The following ZNF681 variants were observed in gnomAD, a reference collection of about 807,000 sequenced individuals.
ZNF681 encodes the protein zinc finger protein 681, also known as hypothetical protein FLJ31526.
In ZNF681, 37 loss-of-function variants were observed where a neutral mutation model predicts 56.0. The observed-to-expected ratio is 0.66, with a 90% CI of 0.51 to 0.87. The LOEUF is 0.87. Among genes scored for constraint, ZNF681 ranks in the 40% least tolerant of loss-of-function variants. The probability of loss-of-function intolerance (pLI) is 0.00; values close to 1 mark genes in which losing one functional copy is unlikely to be tolerated. For missense variants in ZNF681, 741 were observed against 744.9 expected, an observed-to-expected ratio of 0.99 and a Z score of 0.06; for synonymous variants, 225 against 248.6, an observed-to-expected ratio of 0.91 and a Z score of 0.89.
In ZNF681 at chr19:23,743,874, T is replaced by A. The variant is rs572799922; in HGVS notation, c.1676A>T (p.Glu559Val). Residue 559 changes from glutamate to valine, a missense_variant, in exon 4 of 4, where the codon GAG (glutamate) becomes GTG (valine). Coordinates refer to ENST00000402377, the MANE Select transcript of ZNF681 (RefSeq NM_138286.3). ...ACATTCTTCACATTGGTAGGGTTTC[T>A]CTCCAGTATGAATTACCTTATGTGT... ...LATHKVIHTGEKPYQCEECGK... is the reference protein window; with the variant it reads ...LATHKVIHTGVKPYQCEECGK... 1 of 1,601,096 alleles carries A rather than the reference T, an allele frequency of 6.2e-7. No individual in the cohort carries two copies. The highest frequency in any genetic ancestry group is 1.3e-5 in the African/African-American group (1 of 74,672).
intron 3 of ZNF681, among the ~76,000 whole-genome samples, chr19:23,749,316 G>C (rs1968990373): frequency 7.3e-6 from 1 of 137,078 alleles, no homozygotes; most frequent in South Asian, 2.2e-4. Context: ...AAGGATATTT[G>C]TCAAGGGCTG....
intron 3 of ZNF681, among the ~76,000 whole-genome samples, chr19:23,747,231 A>C (rs7508382): frequency 0.98 from 148,999 of 152,274 alleles, 72,995 homozygotes; most frequent in Middle Eastern, 1. Flanking sequence ...CCAAATATAC[A>C]TGAAAATAAC....
Position 23,743,382 on chromosome 19 carries a change from A to G in ZNF681, c.*230T>C. On this transcript the variant is annotated 3_prime_UTR_variant, in exon 4 of 4. Transcript: ENST00000402377. ...TGCATGTATAATGCTTTTATTAAGT[A>G]TGAAATCTCTGATGTTGAGTAAGAT... 1 of 348,790 alleles carries G rather than the reference A, an allele frequency of 2.9e-6. No individual in the cohort carries two copies. The highest frequency in any genetic ancestry group is 5.1e-6 in the Non-Finnish European group (1 of 196,358). 21.6% of individuals were successfully genotyped at this position (348,790 alleles called of 1,614,324 possible).
chr19:23,758,836 G>T lies in ZNF681; in HGVS notation c.-87C>A. 6.3e-7 allele frequency: 1 copy of T among 1,583,710 alleles called. No homozygotes were observed. Among genetic ancestry groups the T allele is most frequent in the Admixed American group, 1.7e-5 (1 of 58,934 alleles). ...GGCCATAGAGGCTGGGCCTCTAGAAGAAGAGGACACAGAGCAGTGAAGACG... is the reference window on the plus strand; with the variant it reads ...GGCCATAGAGGCTGGGCCTCTAGAATAAGAGGACACAGAGCAGTGAAGACG... On this transcript the variant is annotated 5_prime_UTR_variant, in exon 1 of 4. Coordinates refer to ENST00000402377, the MANE Select transcript of ZNF681 (RefSeq NM_138286.3).
At chr19:23,755,995 A>G (rs1454445490) in intron 1 of ZNF681, among the ~76,000 whole-genome samples, 4 of 152,234 alleles carry the variant, frequency 2.6e-5, no homozygotes, top group Non-Finnish European at 2.9e-5. Context: ...ACCATTTCTG[A>G]GTATATACTC....
At chr19:23,750,012 C>T (rs1313199877) in intron 3 of ZNF681, among the ~76,000 whole-genome samples, 1 of 150,644 alleles carries the variant, frequency 6.6e-6, no homozygotes, top group Admixed American at 6.6e-5. Flanking sequence ...GGGCCGGGCA[C>T]CGTGGCTCAC....
chr19:23,745,355 C>A (rs186986841), intron 3 of ZNF681, 32 bp from the exon 4 acceptor site: 267 of 1,455,186 alleles, frequency 1.8e-4, no homozygotes, highest in Admixed American at 2.8e-4. Flanking sequence ...AATGACTCCA[C>A]TTGATAAGAC....
chr19:23,740,538 C>T lies in ZNF681; in HGVS notation c.*3074G>A, dbSNP rs1204206539. The stretch of plus-strand genomic sequence containing the variant: ...CTGTCTTGAAGTTACAAACTAACTC[C>T]AACAGGAATATTTATGGCTTATTAT... On this transcript the variant is annotated 3_prime_UTR_variant, in exon 4 of 4. Transcript: ENST00000402377. 1 of 152,072 alleles carries T rather than the reference C, an allele frequency of 6.6e-6. No individual in the cohort carries two copies. The highest frequency in any genetic ancestry group is 1.5e-5 in the Non-Finnish European group (1 of 68,034). The allele number at this position is 152,072 out of a possible 1,614,324, so 9.4% of individuals were successfully genotyped here.
intron 3 of ZNF681, among the ~76,000 whole-genome samples, chr19:23,753,440 G>A (rs1465845890): frequency 6.6e-6 from 1 of 152,302 alleles, no homozygotes; most frequent in African/African-American, 2.4e-5. Context: ...ATAAATTTCT[G>A]AGAAGAAATT....
intron 3 of ZNF681, among the ~76,000 whole-genome samples, chr19:23,752,415 C>T (rs1420243826): frequency 6.6e-6 from 1 of 152,178 alleles, no homozygotes; most frequent in Non-Finnish European, 1.5e-5. Flanking sequence ...AGTTCACAGC[C>T]AGTTCTGCCT....
At chr19:23,751,724 C>T (rs1969034775) in intron 3 of ZNF681, among the ~76,000 whole-genome samples, 1 of 151,702 alleles carries the variant, frequency 6.6e-6, no homozygotes, top group Admixed American at 6.6e-5. Context: ...CTTGCTCTGT[C>T]ACCCAGGCTG....
intron 3 of ZNF681, among the ~76,000 whole-genome samples, chr19:23,751,473 T>TG (rs1362444703): frequency 8.0e-5 from 1 of 12,476 alleles, no homozygotes; most frequent in African/African-American, 2.2e-4. Flanking sequence ...AGACTCCGTC[T>TG]CAAAAAAAAA....
Position 23,744,854 on chromosome 19 carries a change from G to A in ZNF681, c.696C>T (p.Gly232=), listed in dbSNP as rs1338429802. The A allele has an allele frequency of 6.2e-7, 1 of 1,613,350 alleles. No individual in the cohort carries two copies. Among genetic ancestry groups the A allele is most frequent in the East Asian group, 2.2e-5 (1 of 44,852 alleles). The change falls in exon 4 of 4, where the codon GGC becomes GGT. Residue 232 remains glycine (G), a synonymous_variant. Transcript: ENST00000402377. ...GEKSYICEEC[G]KACNQFTNLT... Reference sequence around the variant, plus strand: ...GGTTTGTGAACTGGTTACAGGCTTTGCCACATTCTTCACATATGTACGATT... The same window carrying A: ...GGTTTGTGAACTGGTTACAGGCTTTACCACATTCTTCACATATGTACGATT...
At chr19:23,747,553 TG>T (rs577233218) in intron 3 of ZNF681, among the ~76,000 whole-genome samples, 3 of 141,814 alleles carry the variant, frequency 2.1e-5, no homozygotes, top group Non-Finnish European at 3.0e-5. Context: ...GGCAGGAGAA[TG>T]GCATGAACCT....
At position 23,743,909 on chromosome 19, in the gene ZNF681, T is replaced by A; in HGVS notation, c.1641A>T (p.Ser547=). The A allele has an allele frequency of 6.2e-7, 1 of 1,603,340 alleles. No homozygotes were observed. The highest frequency in any genetic ancestry group is 8.5e-7 in the Non-Finnish European group (1 of 1,172,440). The change falls in exon 4 of 4, where the codon TCA becomes TCT. Residue 547 remains serine (S), a synonymous_variant. Coordinates refer to ENST00000402377, the MANE Select transcript of ZNF681 (RefSeq NM_138286.3). Reference sequence around the variant, plus strand: ...GAATTACCTTATGTGTAGCAAGATGTGAGGAATGGTTAAAGGCTTTGCCAC... The same window carrying A: ...GAATTACCTTATGTGTAGCAAGATGAGAGGAATGGTTAAAGGCTTTGCCAC... ...EECGKAFNHS[S]HLATHKVIHT... is the part of the protein sequence containing the mutation.
chr19:23,742,676 T>A lies in ZNF681; in HGVS notation c.*936A>T, dbSNP rs571307024. 5.9e-5 allele frequency: 9 copies of A among 152,248 alleles called. No homozygotes were observed. The highest frequency in any genetic ancestry group is 7.4e-5 in the Non-Finnish European group (5 of 68,024). 9.4% of individuals were successfully genotyped at this position (152,248 alleles called of 1,614,324 possible). On this transcript the variant is annotated 3_prime_UTR_variant, in exon 4 of 4. Coordinates refer to ENST00000402377, the MANE Select transcript of ZNF681 (RefSeq NM_138286.3). ...ATTTTAATGTCCTTAACTCTTTCAC[T>A]AAAAAAGGTCGTAAATAATGCACAC...
rs1239579309 is a variant in ZNF681, at chr19:23,739,434, A to G, written c.*4178T>C. 1 of 152,234 alleles carries G rather than the reference A, an allele frequency of 6.6e-6. No individual in the cohort carries two copies. Among genetic ancestry groups the G allele is most frequent in the Non-Finnish European group, 1.5e-5 (1 of 68,048 alleles). 9.4% of individuals were successfully genotyped at this position (152,234 alleles called of 1,614,324 possible). On this transcript the variant is annotated 3_prime_UTR_variant, in exon 4 of 4. Coordinates refer to ENST00000402377, the MANE Select transcript of ZNF681 (RefSeq NM_138286.3). ...TTGTACTGCATGGTGCCTATAGTTC[A>G]TAACAATGTATTTGTATTTCTGAAA...
rs768211664 is a variant in ZNF681, at chr19:23,744,268, C to T, written c.1282G>A (p.Gly428Ser). 1.9e-5 allele frequency: 31 copies of T among 1,613,518 alleles called. No homozygotes were observed. In the South Asian group the frequency reaches 3.4e-4, roughly 18 times the overall value. ...GEKPYQCEKC[G>S]KASNQSSNLT... is the part of the protein sequence containing the mutation. ...TTTGAGGATTGGTTAGAAGCTTTGC[C>T]ACATTTTTCACACTGGTAGGGTTTT... Residue 428 changes from glycine (G) to serine (S), a missense_variant, in exon 4 of 4, where the codon GGC becomes AGC. Physicochemically the swap from Gly to Ser is moderately conservative, Grantham distance 56. Transcript: ENST00000402377.
chr19:23,753,279 G>C (rs1599459146), intron 3 of ZNF681, among the ~76,000 whole-genome samples: 1 of 152,292 alleles, frequency 6.6e-6, no homozygotes. Context: ...TGTGCCTATA[G>C]TCCCAGCTAC....
Sources: gnomAD v4.1 joint callset for allele counts (sites outside exome capture counted in the v4.1 genomes callset) on GRCh38, gnomAD v4.1.1 for gene constraint, MANE v1.5 for transcripts, NCBI Gene and HGNC (gene_info 2026-07-23, HGNC 2026-07-21) for gene names.